Variants in SLC9A9 observed in about 807,000 individuals in gnomAD.
SLC9A9 encodes solute carrier family 9 member A9.
Under a neutral mutation model 77.8 loss-of-function variants are expected in SLC9A9, and 62 were observed. The observed-to-expected ratio is 0.80, with a 90% confidence interval of 0.65 to 0.98. SLC9A9 has a LOEUF of 0.98. Among genes scored for constraint, SLC9A9 ranks in the 50% least tolerant of loss-of-function variants. The pLI, the probability that SLC9A9 is intolerant of heterozygous loss-of-function variation, is 0.00. For synonymous variants in SLC9A9, 320 were observed against 283.5 expected, an observed-to-expected ratio of 1.13 and a Z score of -1.29; for missense variants, 775 against 774.9, an observed-to-expected ratio of 1.00 and a Z score of 0.00.
intron 2 of SLC9A9, among the ~76,000 whole-genome samples, chr3:143,807,625 A>G (rs377200530): frequency 4.8e-4 from 73 of 152,344 alleles, no homozygotes; most frequent in African/African-American, 1.6e-3. Flanking sequence ...CATGCCTGTA[A>G]TCCCAGCTAC....
chr3:143,657,012 G>A (rs1440824965), intron 5 of SLC9A9, among the ~76,000 whole-genome samples: 2 of 152,190 alleles, frequency 1.3e-5, no homozygotes, highest in African/African-American at 2.4e-5. Context: ...GGTGAGATCT[G>A]AAGGAGAGGC....
intron 1 of SLC9A9, among the ~76,000 whole-genome samples, chr3:143,840,510 G>T (rs1464489134): frequency 6.6e-6 from 1 of 152,186 alleles, no homozygotes; most frequent in African/African-American, 2.4e-5. Context: ...AAACCAGAAA[G>T]ACCATGAACT....
intron 14 of SLC9A9, among the ~76,000 whole-genome samples, chr3:143,317,102 A>T (rs1201219556): frequency 6.6e-6 from 1 of 152,084 alleles, no homozygotes; most frequent in Admixed American, 6.5e-5. Flanking sequence ...TCTGTCACAG[A>T]CCTCCTCCAA....
chr3:143,649,786 T>G (rs10513214), intron 6 of SLC9A9, among the ~76,000 whole-genome samples: 3 of 152,118 alleles, frequency 2.0e-5, no homozygotes, highest in Admixed American at 1.3e-4. Flanking sequence ...CATTAATAAT[T>G]GGGTTGCACA....
chr3:143,389,120 A>T (rs569049160), intron 12 of SLC9A9, among the ~76,000 whole-genome samples: 1 of 152,320 alleles, frequency 6.6e-6, no homozygotes, highest in East Asian at 1.9e-4. Flanking sequence ...AATTATGAAG[A>T]ATCTTGAGTG....
At chr3:143,453,808 G>A (rs1182582063) in intron 12 of SLC9A9, among the ~76,000 whole-genome samples, 1 of 152,222 alleles carries the variant, frequency 6.6e-6, no homozygotes, top group East Asian at 1.9e-4. Context: ...TTGGTGCTAT[G>A]GTTTGAATGT....
intron 9 of SLC9A9, among the ~76,000 whole-genome samples, chr3:143,535,478 C>A (rs1181987678): frequency 2.0e-5 from 3 of 152,056 alleles, no homozygotes; most frequent in Admixed American, 2.0e-4. Flanking sequence ...GTTTGTTTAA[C>A]TTTGGAAAAC....
At chr3:143,298,577 C>T (rs2030381487) in intron 14 of SLC9A9, among the ~76,000 whole-genome samples, 2 of 152,214 alleles carry the variant, frequency 1.3e-5, no homozygotes. Flanking sequence ...GGAACAGATG[C>T]TGCTGGTTAA....
chr3:143,784,219 C>A (rs1576723594), intron 4 of SLC9A9, among the ~76,000 whole-genome samples: 1 of 152,326 alleles, frequency 6.6e-6, no homozygotes, highest in African/African-American at 2.4e-5. Context: ...CGTGAATACC[C>A]TTTGCTTTAG....
At chr3:143,746,146 A>T (rs76079671) in intron 4 of SLC9A9, among the ~76,000 whole-genome samples, 1,842 of 152,294 alleles carry the variant, frequency 0.012, 31 homozygotes, top group African/African-American at 0.038. Flanking sequence ...ATATGGTGGA[A>T]AACAACTGGA....
intron 9 of SLC9A9, among the ~76,000 whole-genome samples, chr3:143,533,746 A>C (rs1020142540): frequency 9.9e-5 from 15 of 152,222 alleles, no homozygotes; most frequent in African/African-American, 3.6e-4. Context: ...CTGTCAGGGA[A>C]AGGTCTTTGT....
rs190124093 is a variant in SLC9A9, at chr3:143,328,149, C to T, written c.1604+35335G>A. ...TAGATACATGTCATTACAAATTTGT[C>T]AAAACCCACGGAATGCATAACACAA... On this transcript the variant is annotated intron_variant, in intron 14 of 15. Transcript: ENST00000316549. 8.5e-5 allele frequency among the ~76,000 whole-genome samples: 13 copies of T among 152,250 alleles called. No homozygotes were observed. In the East Asian group the frequency reaches 2.5e-3, roughly 29 times the overall value.
chr3:143,443,871 T>G (rs78124152), intron 12 of SLC9A9, among the ~76,000 whole-genome samples: 2,258 of 152,246 alleles, frequency 0.015, 72 homozygotes, highest in African/African-American at 0.051. Flanking sequence ...ACAAATTCAA[T>G]AGACCCAGTT....
At chr3:143,391,551 C>A (rs972697823) in intron 12 of SLC9A9, among the ~76,000 whole-genome samples, 1 of 152,224 alleles carries the variant, frequency 6.6e-6, no homozygotes, top group Non-Finnish European at 1.5e-5. Context: ...CGCCTCTCCC[C>A]CTCCAAAGGA....
intron 12 of SLC9A9, among the ~76,000 whole-genome samples, chr3:143,456,436 C>T (rs1386429615): frequency 6.6e-6 from 1 of 152,136 alleles, no homozygotes; most frequent in Non-Finnish European, 1.5e-5. Flanking sequence ...TATTGTTCTG[C>T]TTCTGTTTCT....
rs536269205 is a variant in SLC9A9, at chr3:143,817,440, G to A, written c.378+14579C>T. ...TGGGATTACAGGCGTGAGCCACCGC[G>A]CCCGGCCAAAAGTTTATTTTATTGT... On this transcript the variant is annotated intron_variant, in intron 2 of 15. Coordinates refer to ENST00000316549, the MANE Select transcript of SLC9A9 (RefSeq NM_173653.4). Among the ~76,000 whole-genome samples the A allele has an allele frequency of 2.3e-4, 35 of 152,204 alleles. No homozygotes were observed. The South Asian group carries it at 7.1e-3, about 31-fold the overall frequency.
chr3:143,404,922 C>T (rs950647152), intron 12 of SLC9A9, among the ~76,000 whole-genome samples: 8 of 152,170 alleles, frequency 5.3e-5, no homozygotes, highest in Non-Finnish European at 8.8e-5. Context: ...ATGTTCAGTT[C>T]GTGTTATTTT....
chr3:143,625,149 T>C (rs1369907647), intron 6 of SLC9A9, among the ~76,000 whole-genome samples: 1 of 152,186 alleles, frequency 6.6e-6, no homozygotes, highest in African/African-American at 2.4e-5. Flanking sequence ...TCCATGCTCA[T>C]GTGTAGGAAG....
intron 4 of SLC9A9, among the ~76,000 whole-genome samples, chr3:143,695,609 A>C (rs564983449): frequency 1.3e-5 from 2 of 152,242 alleles, no homozygotes; most frequent in East Asian, 3.9e-4. Context: ...GTTGGTTCCA[A>C]GTCTTTGCTA....
Sources: gnomAD v4.1 joint callset for allele counts (sites outside exome capture counted in the v4.1 genomes callset) on GRCh38, gnomAD v4.1.1 for gene constraint, MANE v1.5 for transcripts, NCBI Gene and HGNC (gene_info 2026-07-23, HGNC 2026-07-21) for gene names.